Variants in ZSWIM8 observed in about 807,000 individuals in gnomAD.
The protein encoded by ZSWIM8 is zinc finger SWIM domain-containing protein 8.
In ZSWIM8, 27 loss-of-function variants were observed where a neutral mutation model predicts 173.7. The observed-to-expected ratio is 0.16, with a 90% CI of 0.11 to 0.21. The LOEUF is 0.21. Ranked by LOEUF, ZSWIM8 falls within the 10% of genes least tolerant of loss-of-function variation. The pLI is 1.00. For synonymous variants in ZSWIM8, 958 were observed against 962.0 expected, an observed-to-expected ratio of 1.00 and a Z score of 0.08; for missense variants, 1,627 against 2,428.8, an observed-to-expected ratio of 0.67 and a Z score of 6.94.
intron 15 of ZSWIM8, 145 bp from the exon 16 acceptor site, chr10:73,796,629 G>A: frequency 4.5e-6 from 5 of 1,103,628 alleles, no homozygotes; most frequent in Non-Finnish European, 6.3e-6. Context: ...TGTAAACCAG[G>A]AGGTCATCCT....
Position 73,801,507 on chromosome 10 carries a change from C to T in ZSWIM8, c.5493C>T (p.Thr1831=), listed in dbSNP as rs1252015234. ...AGCGGGTCTCACTCGAGATGGCCAC[C>T]TTCTCCCCCTGAGTCTTTCACCCTT... is the stretch of plus-strand genomic sequence containing the variant. ...LWQRVSLEMA[T]FSP The change falls in exon 26 of 26, where the codon ACC becomes ACT. Residue 1831 remains threonine, a synonymous_variant. Transcript: ENST00000604729. This position sits in a 1 kb window ranked among gnomAD's most constrained non-coding sequence, Gnocchi z 4.9. The T allele has an allele frequency of 6.2e-7, 1 of 1,613,776 alleles. No individual in the cohort carries two copies. The highest frequency in any genetic ancestry group is 1.3e-5 in the African/African-American group (1 of 74,934).
chr10:73,799,797 C>G, intron 21 of ZSWIM8: 1 of 638,558 alleles, frequency 1.6e-6, no homozygotes, highest in Non-Finnish European at 2.7e-6. Flanking sequence ...CGCCTGTAAT[C>G]CCAGCTTCTT....
chr10:73,800,135 C>G lies in ZSWIM8; in HGVS notation c.4790C>G (p.Thr1597Arg). The change falls in exon 22 of 26, where the codon ACA becomes AGA. Residue 1597 changes from threonine to arginine, a missense_variant. Around this residue, in one of 18 missense-constraint regions of ZSWIM8, gnomAD observed 275 missense variants for 290.1 expected, o/e 0.95. Transcript: ENST00000604729. The surrounding 1 kb of genome is among the most constrained non-coding windows in gnomAD (Gnocchi z 4.1). Reference protein sequence around the residue: ...MAPITVHPYHTEPGLPLPTSV... With the variant: ...MAPITVHPYHREPGLPLPTSV... ...CCCATCACAGTACATCCCTACCACA[C>G]AGAGCCAGGGCTTCCACTGCCCACC... 2 of 1,613,844 alleles carry G rather than the reference C, an allele frequency of 1.2e-6. No individual in the cohort carries two copies. The highest frequency in any genetic ancestry group is 1.7e-6 in the Non-Finnish European group (2 of 1,179,850).
chr10:73,796,483 T>G, intron 15 of ZSWIM8: 1 of 463,114 alleles, frequency 2.2e-6, no homozygotes, highest in Non-Finnish European at 4.0e-6. Context: ...GGGCATGGGG[T>G]GGAAGAAGAG....
intron 14 of ZSWIM8, 149 bp from the exon 15 acceptor site, chr10:73,795,390 A>G: frequency 8.3e-7 from 1 of 1,209,304 alleles, no homozygotes; most frequent in Non-Finnish European, 1.1e-6. Context: ...TGGATATAAT[A>G]GTCAACGAAG....
chr10:73,797,749 C>CA lies in ZSWIM8; in HGVS notation c.3663-30dup, dbSNP rs2083737340. On this transcript the variant is annotated intron_variant, in intron 18 of 25. Coordinates refer to ENST00000604729, the MANE Select transcript of ZSWIM8 (RefSeq NM_001367799.1). This position sits in a 1 kb window ranked among gnomAD's most constrained non-coding sequence, Gnocchi z 5.6. ...CCGGATGCCCATTTCAAAGAAACCC[C>CA]AACCCCCGTCCCTACCCCATTGCCC... 6.3e-7 allele frequency: 1 copy of CA among 1,595,658 alleles called. No homozygotes were observed. The highest frequency in any genetic ancestry group is 1.3e-5 in the African/African-American group (1 of 74,302).
intron 1 of ZSWIM8, among the ~76,000 whole-genome samples, chr10:73,787,354 C>T (rs148371548): frequency 8.2e-4 from 125 of 152,282 alleles, no homozygotes; most frequent in African/African-American, 2.9e-3. Flanking sequence ...GCAGTTTTAC[C>T]GTGGGTCTTC....
chr10:73,799,916 A>G, intron 21 of ZSWIM8, 95 bp from the exon 22 acceptor site: 1 of 1,203,446 alleles, frequency 8.3e-7, no homozygotes, highest in South Asian at 1.4e-5. Flanking sequence ...CTATCTCAAA[A>G]AAAACATGTC....
rs1386235139 is a variant in ZSWIM8, at chr10:73,801,157, C to T, written c.5263C>T (p.His1755Tyr). Residue 1755 changes from histidine (H) to tyrosine (Y), a missense_variant, in exon 25 of 26, where the codon CAC becomes TAC. Physicochemically the swap from His to Tyr is moderately conservative, Grantham distance 83. Coordinates refer to ENST00000604729, the MANE Select transcript of ZSWIM8 (RefSeq NM_001367799.1). The surrounding 1 kb of genome is among the most constrained non-coding windows in gnomAD (Gnocchi z 4.9). ...CAACCACCTGCGTGCCCCGGCCTTC[C>T]ACCAACTGGTGCAGCGCTGCCAGCA... ...AHNHLRAPAF[H>Y]QLVQRCQQAY... The T allele has an allele frequency of 6.3e-7, 1 of 1,596,892 alleles. No homozygotes were observed. The highest frequency in any genetic ancestry group is 8.5e-7 in the Non-Finnish European group (1 of 1,172,318).
At position 73,800,088 on chromosome 10, in the gene ZSWIM8, T is replaced by C. The variant is rs774148054; in HGVS notation, c.4743T>C (p.Ser1581=). The C allele has an allele frequency of 2.5e-6, 4 of 1,613,754 alleles. No homozygotes were observed. Among genetic ancestry groups the C allele is most frequent in the African/African-American group, 2.7e-5 (2 of 74,912 alleles). ...CCTCACTTGCTGCCACTGCTGTGTC[T>C]TTCCCCGTTCCTTCCATGGCACCCA... The part of the protein sequence containing the change: ...TPPSLAATAV[S]FPVPSMAPIT... Residue 1581 remains serine (S), a synonymous_variant, in exon 22 of 26, where the codon TCT becomes TCC. Coordinates refer to ENST00000604729, the MANE Select transcript of ZSWIM8 (RefSeq NM_001367799.1). This position sits in a 1 kb window ranked among gnomAD's most constrained non-coding sequence, Gnocchi z 4.1.
At position 73,798,211 on chromosome 10, in the gene ZSWIM8, T is replaced by C. The variant is rs774367944; in HGVS notation, c.3953-19T>C. 6.2e-7 allele frequency: 1 copy of C among 1,612,806 alleles called. No homozygotes were observed. Among genetic ancestry groups the C allele is most frequent in the South Asian group, 1.1e-5 (1 of 91,044 alleles). On this transcript the variant is annotated intron_variant, in intron 19 of 25. Transcript: ENST00000604729. ...TGCCCACACTAACCCAACTCTGCCC[T>C]TCTCTCCTTTCCCCTAAGGCCAGGC...
intron 7 of ZSWIM8, 141 bp from the exon 8 acceptor site, chr10:73,790,834 G>A: frequency 1.5e-6 from 1 of 681,528 alleles, no homozygotes; most frequent in Non-Finnish European, 2.4e-6. Flanking sequence ...GGGCGACAGA[G>A]CAAGACTTGG....
Position 73,797,251 on chromosome 10 carries a change from G to A in ZSWIM8, c.3413G>A (p.Arg1138Gln), listed in dbSNP as rs1351085919. The change falls in exon 17 of 26, where the codon CGG becomes CAG. Residue 1138 changes from arginine (R) to glutamine (Q), a missense_variant. This residue lies in a region of ZSWIM8 where 163 missense variants were observed against 193.2 expected (regional missense o/e 0.84). Transcript: ENST00000604729. The surrounding 1 kb of genome is among the most constrained non-coding windows in gnomAD (Gnocchi z 5.6). ...YNGRGWGSPG[R>Q]PKKKHTGMAS... Reference sequence around the variant, plus strand: ...GGACGGGGATGGGGGTCCCCAGGACGGCCTAAGAAGAAGCACACAGGTAGG... The same window carrying A: ...GGACGGGGATGGGGGTCCCCAGGACAGCCTAAGAAGAAGCACACAGGTAGG... 5.0e-6 allele frequency: 8 copies of A among 1,613,850 alleles called. No homozygotes were observed. Among genetic ancestry groups the A allele is most frequent in the South Asian group, 1.1e-5 (1 of 91,080 alleles).
At position 73,794,593 on chromosome 10, in the gene ZSWIM8, A is replaced by C; in HGVS notation, c.2862A>C (p.Thr954=). 1 of 1,558,312 alleles carries C rather than the reference A, an allele frequency of 6.4e-7. No individual in the cohort carries two copies. Among genetic ancestry groups the C allele is most frequent in the Non-Finnish European group, 8.7e-7 (1 of 1,150,374 alleles). The stretch of plus-strand genomic sequence containing the variant: ...CAAGTCGCAACTGGAACAGCGAGAC[A>C]CCTGGGGATGAGGAGCTTGGATTTG... The part of the protein sequence containing the change: ...RPPSRNWNSE[T]PGDEELGFEA... Residue 954 remains threonine, a synonymous_variant, in exon 14 of 26, where the codon ACA becomes ACC. Coordinates refer to ENST00000604729, the MANE Select transcript of ZSWIM8 (RefSeq NM_001367799.1).
At chr10:73,794,702 G>A in intron 14 of ZSWIM8, 63 bp downstream of exon 14, 1 of 1,412,516 alleles carries the variant, frequency 7.1e-7, no homozygotes, top group Non-Finnish European at 9.8e-7. Flanking sequence ...TGAGACCTGT[G>A]CCTTGTTGTG....
In ZSWIM8 at chr10:73,789,334, G is replaced by C. The variant is rs1352361205; in HGVS notation, c.458-33G>C. ...AAGGGCAGAGACCCAGGTCCTGACA[G>C]CACTCCCTGACCATGCCCCCATTTC... On this transcript the variant is annotated intron_variant, in intron 3 of 25. Transcript: ENST00000604729. The surrounding 1 kb of genome is among the most constrained non-coding windows in gnomAD (Gnocchi z 6.8). 1.9e-6 allele frequency: 3 copies of C among 1,556,674 alleles called. No homozygotes were observed. The African/African-American group carries it at 4.1e-5, about 21-fold the overall frequency.
At position 73,797,734 on chromosome 10, in the gene ZSWIM8, AT is replaced by A; in HGVS notation, c.3663-44del. 6.3e-7 allele frequency: 1 copy of A among 1,584,424 alleles called. No individual in the cohort carries two copies. The highest frequency in any genetic ancestry group is 2.3e-5 in the East Asian group (1 of 44,266). Reference sequence around the variant, plus strand: ...TCCTTCCCAACCTACCCGGATGCCCATTTCAAAGAAACCCCAACCCCCGTCC... The same window carrying A: ...TCCTTCCCAACCTACCCGGATGCCCATTCAAAGAAACCCCAACCCCCGTCC... On this transcript the variant is annotated intron_variant, in intron 18 of 25. Coordinates refer to ENST00000604729, the MANE Select transcript of ZSWIM8 (RefSeq NM_001367799.1). The surrounding 1 kb of genome is among the most constrained non-coding windows in gnomAD (Gnocchi z 5.6).
Position 73,797,534 on chromosome 10 carries a change from C to G in ZSWIM8, c.3591C>G (p.Ser1197=). 1 of 1,613,970 alleles carries G rather than the reference C, an allele frequency of 6.2e-7. No individual in the cohort carries two copies. Among genetic ancestry groups the G allele is most frequent in the Non-Finnish European group, 8.5e-7 (1 of 1,179,876 alleles). Residue 1197 remains serine (S), a synonymous_variant, in exon 18 of 26, where the codon TCC becomes TCG. Transcript: ENST00000604729. The surrounding 1 kb of genome is among the most constrained non-coding windows in gnomAD (Gnocchi z 5.6). ...ISSSSSDSLG[S]SSSSGSRRAS... ...GCTCTTCTTCGGACTCCCTGGGCTCCTCATCCTCCAGTGGAAGTCGCCGGG... is the reference window on the plus strand; with the variant it reads ...GCTCTTCTTCGGACTCCCTGGGCTCGTCATCCTCCAGTGGAAGTCGCCGGG...
At chr10:73,796,503 G>A in intron 15 of ZSWIM8, 1 of 505,614 alleles carries the variant, frequency 2.0e-6, no homozygotes, top group Non-Finnish European at 3.6e-6. Context: ...GAAGCAGAGG[G>A]CATAAAGTCA....
Sources: allele counts gnomAD v4.1 joint callset (sites outside exome capture counted in the v4.1 genomes callset), GRCh38; gene constraint gnomAD v4.1.1; regional missense constraint gnomAD v4.1.1; non-coding constraint Gnocchi (gnomAD v3.1); transcripts MANE v1.5; gene names NCBI Gene and HGNC (gene_info 2026-07-23, HGNC 2026-07-21).